The following PCDHA2 variants were observed in gnomAD, a reference collection of about 807,000 sequenced individuals.
The protein encoded by PCDHA2 is protocadherin alpha 2, also known as protocadherin alpha-2.
In PCDHA2, 58 loss-of-function variants were observed where a neutral mutation model predicts 66.0. The ratio of observed to expected loss-of-function variants is 0.88; its 90% CI spans 0.71 to 1.09. The LOEUF is 1.09. Ranked by LOEUF, PCDHA2 falls within the 50% of genes least tolerant of loss-of-function variation. PCDHA2 has a pLI of 0.00. For synonymous variants in PCDHA2, 634 were observed against 554.0 expected (o/e 1.14, Z -2.03); for missense variants, 1,267 against 1,242.3 (o/e 1.02, Z -0.30).
At chr5:140,830,659 T>G (rs1771191789) in intron 1 of PCDHA2, 2 of 412,340 alleles carry the variant, frequency 4.9e-6, no homozygotes, top group East Asian at 9.9e-5. Flanking sequence ...TATTCATAAT[T>G]TAAGTGAAAT....
chr5:140,892,779 A>G (rs1490865049), intron 1 of PCDHA2, among the ~76,000 whole-genome samples: 1 of 152,192 alleles, frequency 6.6e-6, no homozygotes, highest in Non-Finnish European at 1.5e-5. Flanking sequence ...TAGCTTCTTG[A>G]AAATATGTAA....
rs2098418726 is a variant in PCDHA2 at position 141,010,899 on chromosome 5, C to T, written c.*962C>T. 2 of 153,680 alleles carry T rather than the reference C, an allele frequency of 1.3e-5. No individual in the cohort carries two copies. Among genetic ancestry groups the T allele is most frequent in the Admixed American group, 6.6e-5 (1 of 15,264 alleles). The allele number at this position is 153,680 out of a possible 1,614,324, so 9.5% of individuals were successfully genotyped here. ...TTTAAAGAGAAATATGAATACAATT[C>T]CCCTAAACTCTCCTCAAAAGAGAAT... On this transcript the variant is annotated 3_prime_UTR_variant, in exon 4 of 4. Coordinates refer to ENST00000526136, the MANE Select transcript of PCDHA2 (RefSeq NM_018905.3).
chr5:140,979,006 A>G lies in PCDHA2; in HGVS notation c.2446A>G (p.Ser816Gly), dbSNP rs149397164. ...TGCCTCCCTGAGAGCAGGCATGCAC[A>G]GGTATGTATTTCCCTCCTCATTCAC... ...YSASLRAGMH[S>G]SVHLEEAGIL... Residue 816 changes from serine (S) to glycine (G), a missense_variant and splice_region_variant, in exon 2 of 4, where the codon AGC becomes GGC. Ser to Gly is a moderately conservative substitution (Grantham distance 56). Coordinates refer to ENST00000526136, the MANE Select transcript of PCDHA2 (RefSeq NM_018905.3). The G allele has an allele frequency of 4.3e-6, 7 of 1,614,000 alleles. No individual in the cohort carries two copies. The highest frequency in any genetic ancestry group is 5.1e-6 in the Non-Finnish European group (6 of 1,179,938).
intron 1 of PCDHA2, chr5:140,927,988 G>A (rs782075633): frequency 6.2e-6 from 10 of 1,614,200 alleles, no homozygotes; most frequent in South Asian, 1.1e-5. Flanking sequence ...TAGTGTAAAG[G>A]ATGAAGACCT....
chr5:140,850,772 C>A lies in PCDHA2; in HGVS notation c.2388+53420C>A, dbSNP rs2041813098. 4.4e-6 allele frequency: 7 copies of A among 1,598,004 alleles called. 1 individual carries two copies. Among genetic ancestry groups the A allele is most frequent in the Non-Finnish European group, 6.0e-6 (7 of 1,167,724 alleles). Reference sequence around the variant, plus strand: ...CGCAGCAGAGGAGGCAGAGGGTGTGCTCTGGCGAGGGTAAGCAGAAGACCG... The same window carrying A: ...CGCAGCAGAGGAGGCAGAGGGTGTGATCTGGCGAGGGTAAGCAGAAGACCG... On this transcript the variant is annotated intron_variant, in intron 1 of 3. Transcript: ENST00000526136.
intron 3 of PCDHA2, among the ~76,000 whole-genome samples, chr5:140,993,762 A>G (rs1019928055): frequency 2.6e-5 from 4 of 152,204 alleles, no homozygotes; most frequent in Non-Finnish European, 4.4e-5. Flanking sequence ...TTATATTACA[A>G]TTGCGCAGTA....
chr5:140,870,421 G>A (rs782065685), intron 1 of PCDHA2: 1 of 1,614,216 alleles, frequency 6.2e-7, no homozygotes, highest in Non-Finnish European at 8.5e-7. Flanking sequence ...CACGGCCAGG[G>A]TATCCGTGGA....
chr5:140,948,547 A>G (rs1054072354), intron 1 of PCDHA2, among the ~76,000 whole-genome samples: 9 of 151,490 alleles, frequency 5.9e-5, no homozygotes, highest in Admixed American at 5.9e-4. Flanking sequence ...ATGCTCTGTC[A>G]ATTTTGTTAA....
intron 3 of PCDHA2, among the ~76,000 whole-genome samples, chr5:140,990,224 G>A (rs1368393390): frequency 6.6e-6 from 1 of 152,160 alleles, no homozygotes; most frequent in South Asian, 2.1e-4. Flanking sequence ...GAAGTTTATT[G>A]TAACTAGCGT....
At chr5:140,884,239 C>A (rs781996098) in intron 1 of PCDHA2, 1 of 1,613,424 alleles carries the variant, frequency 6.2e-7, no homozygotes, top group South Asian at 1.1e-5. Flanking sequence ...ACGGTGAGCC[C>A]GCGCTGACGG....
intron 1 of PCDHA2, among the ~76,000 whole-genome samples, chr5:140,914,956 T>C (rs2076915145): frequency 6.6e-6 from 1 of 150,718 alleles, no homozygotes; most frequent in African/African-American, 2.4e-5. Flanking sequence ...TTTTTTTTTT[T>C]TTTTTTCTGA....
At chr5:140,873,823 G>T (rs2054513552) in intron 1 of PCDHA2, among the ~76,000 whole-genome samples, 1 of 152,076 alleles carries the variant, frequency 6.6e-6, no homozygotes, top group Non-Finnish European at 1.5e-5. Context: ...ACCACTCCTG[G>T]CTAATTTTTG....
At chr5:140,912,010 G>A (rs1208180595) in intron 1 of PCDHA2, among the ~76,000 whole-genome samples, 1 of 152,202 alleles carries the variant, frequency 6.6e-6, no homozygotes. Flanking sequence ...CCATCTGCAA[G>A]CTGAGGAGCA....
At chr5:140,811,787 A>G (rs1195169944) in intron 1 of PCDHA2, 2 of 152,190 alleles carry the variant, frequency 1.3e-5, no homozygotes, top group Non-Finnish European at 1.5e-5. Flanking sequence ...TGTTGGCTGC[A>G]TAAATGTCTT....
At chr5:140,808,829 A>C (rs1382810188) in intron 1 of PCDHA2, 6 of 1,612,990 alleles carry the variant, frequency 3.7e-6, no homozygotes, top group Middle Eastern at 3.5e-4. Context: ...TCTGGGCAGC[A>C]ACGTGACGCT....
chr5:140,903,086 C>T lies in PCDHA2; in HGVS notation c.2389-75863C>T, dbSNP rs534457835. 2.6e-5 allele frequency among the ~76,000 whole-genome samples: 4 copies of T among 152,260 alleles called. No homozygotes were observed. In the East Asian group the frequency reaches 7.7e-4, roughly 29 times the overall value. ...CCTTTGGGTAGATACCTGATAGTGGCATTGCTGGATCAAATAATAGCTCTA... is the reference window on the plus strand; with the variant it reads ...CCTTTGGGTAGATACCTGATAGTGGTATTGCTGGATCAAATAATAGCTCTA... On this transcript the variant is annotated intron_variant, in intron 1 of 3. Transcript: ENST00000526136.
intron 1 of PCDHA2, among the ~76,000 whole-genome samples, chr5:140,945,123 A>G (rs1421068345): frequency 2.0e-5 from 3 of 152,190 alleles, no homozygotes; most frequent in African/African-American, 4.8e-5. Context: ...TAAAAAATCA[A>G]CTTACAAAAA....
intron 1 of PCDHA2, among the ~76,000 whole-genome samples, chr5:140,947,620 T>C (rs1554218262): frequency 6.6e-6 from 1 of 151,706 alleles, no homozygotes; most frequent in African/African-American, 2.4e-5. Flanking sequence ...CTTAACAATA[T>C]TGAGTCATCA....
intron 1 of PCDHA2, among the ~76,000 whole-genome samples, chr5:140,948,132 C>G (rs1397250622): frequency 1.3e-5 from 2 of 151,526 alleles, no homozygotes; most frequent in African/African-American, 4.8e-5. Context: ...TTGGATTACA[C>G]TAATTGATTT....
Sources: gnomAD v4.1 joint callset for allele counts (sites outside exome capture counted in the v4.1 genomes callset) on GRCh38, gnomAD v4.1.1 for gene constraint, MANE v1.5 for transcripts, NCBI Gene and HGNC (gene_info 2026-07-23, HGNC 2026-07-21) for gene names.